THSD7B: variants seen among roughly 807,000 people sequenced by gnomAD.
THSD7B encodes the protein thrombospondin type-1 domain-containing protein 7B.
In THSD7B, 138 loss-of-function variants were observed where a neutral mutation model predicts 213.6. The observed-to-expected ratio is 0.65, with a 90% confidence interval of 0.56 to 0.74. The LOEUF (loss-of-function observed/expected upper bound fraction) is 0.74. Among genes scored for constraint, THSD7B ranks in the 30% least tolerant of loss-of-function variants. The pLI, the probability that THSD7B is intolerant of heterozygous loss-of-function variation, is 0.00. For missense variants in THSD7B, 1,931 were observed against 1,991.5 expected (o/e 0.97, Z 0.58); for synonymous variants, 742 against 687.0 (o/e 1.08, Z -1.25).
chr2:137,422,117 T>C (rs1686942148), intron 14 of THSD7B, among the ~76,000 whole-genome samples: 1 of 152,096 alleles, frequency 6.6e-6, no homozygotes, highest in Non-Finnish European at 1.5e-5. Flanking sequence ...ATTCGCAGAG[T>C]GTTATTTTCT....
At chr2:136,782,265 T>G (rs1681756045) in intron 1 of THSD7B, among the ~76,000 whole-genome samples, 1 of 152,076 alleles carries the variant, frequency 6.6e-6, no homozygotes, top group Non-Finnish European at 1.5e-5. Flanking sequence ...GCTGCGTTTG[T>G]GTATTACTAC....
chr2:137,218,130 G>A (rs1271210575), intron 7 of THSD7B, among the ~76,000 whole-genome samples: 4 of 152,096 alleles, frequency 2.6e-5, no homozygotes, highest in African/African-American at 7.2e-5. Context: ...ATTACAATTT[G>A]ACCTCTTAAG....
At chr2:137,544,936 T>G (rs1162727757) in intron 15 of THSD7B, among the ~76,000 whole-genome samples, 5 of 151,798 alleles carry the variant, frequency 3.3e-5, no homozygotes, top group Admixed American at 6.6e-5. Context: ...GACAGGTTGT[T>G]TTGCTGGCTT....
intron 2 of THSD7B, among the ~76,000 whole-genome samples, chr2:136,934,766 G>A (rs1684693478): frequency 6.6e-6 from 1 of 152,050 alleles, no homozygotes; most frequent in Non-Finnish European, 1.5e-5. Flanking sequence ...AATAGATTAG[G>A]CATACTTAAG....
chr2:137,644,478 G>A (rs78278344), intron 21 of THSD7B, among the ~76,000 whole-genome samples: 1 of 152,034 alleles, frequency 6.6e-6, no homozygotes, highest in Non-Finnish European at 1.5e-5. Flanking sequence ...CACCGAAAAT[G>A]ACATAAAGTA....
rs184678115 is a variant in THSD7B at position 137,181,354 on chromosome 2, C to A, written c.1723+10416C>A. On this transcript the variant is annotated intron_variant, in intron 7 of 27. Coordinates refer to ENST00000409968, the MANE Select transcript of THSD7B (RefSeq NM_001316349.2). Reference sequence around the variant, plus strand: ...ATGAGTAAGTTTAGTAAAAAACAAGCAAAATTCGATACACCAAAGTGGTCT... The same window carrying A: ...ATGAGTAAGTTTAGTAAAAAACAAGAAAAATTCGATACACCAAAGTGGTCT... Among the ~76,000 whole-genome samples the A allele has an allele frequency of 3.6e-3, 543 of 152,236 alleles. 4 individuals are homozygous for A. Among genetic ancestry groups the A allele is most frequent in the Middle Eastern group, 6.8e-3 (2 of 294 alleles).
intron 1 of THSD7B, among the ~76,000 whole-genome samples, chr2:136,856,662 C>G (rs1683184172): frequency 6.6e-6 from 1 of 152,012 alleles, no homozygotes. Context: ...TTACAGGATT[C>G]CGCCACCACG....
At chr2:136,886,019 G>T (rs1683710568) in intron 2 of THSD7B, among the ~76,000 whole-genome samples, 1 of 152,080 alleles carries the variant, frequency 6.6e-6, no homozygotes, top group Non-Finnish European at 1.5e-5. Flanking sequence ...AGGTGAAGAA[G>T]AACATCCCAG....
chr2:136,935,744 A>G (rs527028), intron 2 of THSD7B, among the ~76,000 whole-genome samples: 73,814 of 151,768 alleles, frequency 0.49, 19,044 homozygotes, highest in Non-Finnish European at 0.58. Context: ...TACTCTGGGG[A>G]TTGGTAAGAA....
At chr2:137,525,629 T>C (rs1325977133) in intron 15 of THSD7B, among the ~76,000 whole-genome samples, 1 of 152,170 alleles carries the variant, frequency 6.6e-6, no homozygotes. Flanking sequence ...TTGAACATAA[T>C]AATGCAATTT....
At chr2:137,663,596 A>T (rs771564252) in intron 26 of THSD7B, 21 bp downstream of exon 26, 6 of 1,579,116 alleles carry the variant, frequency 3.8e-6, no homozygotes, top group Non-Finnish European at 5.2e-6. Context: ...GTTGTGAGTA[A>T]GAAATGAAAA....
chr2:136,848,030 G>T (rs1458457897), intron 1 of THSD7B, among the ~76,000 whole-genome samples: 2 of 152,086 alleles, frequency 1.3e-5, no homozygotes, highest in East Asian at 3.9e-4. Context: ...TCATCATATG[G>T]AATCTGCTAT....
rs1254058524 is a variant in THSD7B, at chr2:137,384,630, A to T, written c.2501-20983A>T. ...ATCTCCTGTTTAGAATCTTGAGAAGAGATGCTCTACAGGGGCCCCACTCCA... is the reference window on the plus strand; with the variant it reads ...ATCTCCTGTTTAGAATCTTGAGAAGTGATGCTCTACAGGGGCCCCACTCCA... On this transcript the variant is annotated intron_variant, in intron 12 of 27. Transcript: ENST00000409968. 6.6e-5 allele frequency among the ~76,000 whole-genome samples: 10 copies of T among 152,276 alleles called. No homozygotes were observed. In the East Asian group the frequency reaches 1.9e-3, roughly 30 times the overall value.
intron 12 of THSD7B, among the ~76,000 whole-genome samples, chr2:137,402,507 A>G (rs1686392787): frequency 6.6e-6 from 1 of 152,088 alleles, no homozygotes; most frequent in Admixed American, 6.5e-5. Flanking sequence ...ATAATTTATT[A>G]TAATTGAAAA....
At chr2:137,411,117 GT>G (rs1430263630) in intron 13 of THSD7B, among the ~76,000 whole-genome samples, 13 of 152,352 alleles carry the variant, frequency 8.5e-5, no homozygotes, top group Admixed American at 7.2e-4. Context: ...TCAATTTATT[GT>G]TTGTATAAAT....
At chr2:137,292,604 G>T (rs1683360623) in intron 12 of THSD7B, among the ~76,000 whole-genome samples, 1 of 152,106 alleles carries the variant, frequency 6.6e-6, no homozygotes, top group African/African-American at 2.4e-5. Context: ...TGTTAACATA[G>T]TTGGTCTCTA....
chr2:137,294,682 A>G (rs1232219280), intron 12 of THSD7B, among the ~76,000 whole-genome samples: 1 of 151,392 alleles, frequency 6.6e-6, no homozygotes. Flanking sequence ...GTTAGTTGTT[A>G]ATTTCTTACT....
rs764240902 is a variant in THSD7B, at chr2:137,115,172, C to T, written c.1248C>T (p.Leu416=). 3 of 1,613,962 alleles carry T rather than the reference C, an allele frequency of 1.9e-6. No individual in the cohort carries two copies. The highest frequency in any genetic ancestry group is 1.3e-5 in the African/African-American group (1 of 75,042). Residue 416 remains leucine (L), a synonymous_variant, in exon 5 of 28, where the codon CTC becomes CTT. Coordinates refer to ENST00000409968, the MANE Select transcript of THSD7B (RefSeq NM_001316349.2). The stretch of plus-strand genomic sequence containing the variant: ...GGAAAGAATGCCAAGTCTCTCTCCT[C>T]CTCGAGCAGCAGGATCCCCACTGGC... ...SEWKECQVSL[L]LEQQDPHWHV... is the part of the protein sequence containing the mutation.
At chr2:136,962,662 G>T (rs1573736723) in intron 2 of THSD7B, among the ~76,000 whole-genome samples, 2 of 151,890 alleles carry the variant, frequency 1.3e-5, no homozygotes, top group South Asian at 4.2e-4. Flanking sequence ...GAGTCAGCCT[G>T]GCCTTGAGAA....
Sources: allele counts gnomAD v4.1 joint callset (sites outside exome capture counted in the v4.1 genomes callset), GRCh38; gene constraint gnomAD v4.1.1; transcripts MANE v1.5; gene names NCBI Gene and HGNC (gene_info 2026-07-23, HGNC 2026-07-21).